LRGUK: variants seen among roughly 807,000 people sequenced by gnomAD.
The protein encoded by LRGUK is leucine rich repeats and guanylate kinase domain containing, also known as leucine-rich repeat and guanylate kinase domain-containing protein.
A neutral mutation model predicts 76.0 loss-of-function variants in LRGUK; 65 were observed. The observed-to-expected ratio is 0.85, with a 90% CI of 0.70 to 1.05. The LOEUF (loss-of-function observed/expected upper bound fraction) is 1.05. Among genes scored for constraint, LRGUK ranks in the 50% least tolerant of loss-of-function variants. LRGUK has a pLI of 0.00. For missense variants in LRGUK, 758 were observed against 732.8 expected, an observed-to-expected ratio of 1.03 and a Z score of -0.40; for synonymous variants, 268 against 265.6, an observed-to-expected ratio of 1.01 and a Z score of -0.09.
At chr7:134,252,605 A>G (rs1257481018) in intron 18 of LRGUK, among the ~76,000 whole-genome samples, 3 of 152,172 alleles carry the variant, frequency 2.0e-5, no homozygotes, top group Non-Finnish European at 4.4e-5. Flanking sequence ...TGTTGGTGCC[A>G]TGTAGCCCTA....
chr7:134,161,058 C>T (rs1350675012), intron 6 of LRGUK, among the ~76,000 whole-genome samples: 1 of 152,142 alleles, frequency 6.6e-6, no homozygotes, highest in Admixed American at 6.5e-5. Context: ...CTCATGTCAT[C>T]TACCACTTTG....
At chr7:134,165,910 T>C (rs1193383201) in intron 7 of LRGUK, among the ~76,000 whole-genome samples, 1 of 152,182 alleles carries the variant, frequency 6.6e-6, no homozygotes, top group Non-Finnish European at 1.5e-5. Context: ...GAAAGGAGTT[T>C]ATAATTTTCA....
chr7:134,263,876 A>G (rs765154192), exon 20 of LRGUK: 7 of 1,611,016 alleles, frequency 4.3e-6, no homozygotes, highest in South Asian at 2.2e-5. Flanking sequence ...CACATGAAAA[A>G]GAGTCTCACC....
At chr7:134,192,529 C>A (rs1008581296) in intron 12 of LRGUK, among the ~76,000 whole-genome samples, 2 of 152,196 alleles carry the variant, frequency 1.3e-5, no homozygotes, top group African/African-American at 4.8e-5. Flanking sequence ...ACTCAAAACA[C>A]TCTTGTCTTT....
chr7:134,211,374 G>C (rs747673642), downstream of LRGUK, among the ~76,000 whole-genome samples: 2 of 152,172 alleles, frequency 1.3e-5, no homozygotes, highest in African/African-American at 4.8e-5. Flanking sequence ...AGGAAAATTC[G>C]CTTCTAGACT....
chr7:134,199,339 T>A (rs1238859488), exon 14 of LRGUK: 1 of 1,613,794 alleles, frequency 6.2e-7, no homozygotes, highest in Non-Finnish European at 8.5e-7. Flanking sequence ...GTGCAGAAAT[T>A]GAATTTGCTG....
rs942574455 is a variant in LRGUK, at chr7:134,248,937, A to G, written c.2073-14A>G. The G allele has an allele frequency of 2.8e-6, 4 of 1,421,994 alleles. No individual in the cohort carries two copies. In the Admixed American group the frequency reaches 8.1e-5, roughly 29 times the overall value. 88.1% of individuals were successfully genotyped at this position (1,421,994 alleles called of 1,614,324 possible). ...TCCTTTGGTTTTTTTTTTTTTTTAA[A>G]TTTCCCATTCCAGGGGTCCAGTACC... On this transcript the variant is annotated splice_polypyrimidine_tract_variant and intron_variant, in intron 17 of 19. Transcript: ENST00000285928.
chr7:134,163,565 G>T (rs372601585), intron 7 of LRGUK, 25 bp downstream of exon 7: 33 of 1,584,652 alleles, frequency 2.1e-5, no homozygotes, highest in Non-Finnish European at 2.7e-5. Flanking sequence ...CACATGTCTT[G>T]GTTTCAGTGT....
chr7:134,257,352 GC>G (rs1429616086), intron 18 of LRGUK, among the ~76,000 whole-genome samples: 3 of 152,186 alleles, frequency 2.0e-5, no homozygotes, highest in Non-Finnish European at 2.9e-5. Flanking sequence ...TCAGCTGCTT[GC>G]CAGGGCTTTG....
chr7:134,251,503 A>C (rs114977984), intron 18 of LRGUK, among the ~76,000 whole-genome samples: 1 of 152,214 alleles, frequency 6.6e-6, no homozygotes, highest in East Asian at 1.9e-4. Flanking sequence ...TAAGCCACTC[A>C]GTTCATGGTA....
At chr7:134,269,906 C>A in the LRGUK span, among the ~76,000 whole-genome samples, 10 of 152,114 alleles carry the variant, frequency 6.6e-5, no homozygotes, top group African/African-American at 2.4e-4. Context: ...GTCCAATATC[C>A]ATTCATAATA....
exon 15 of LRGUK, chr7:134,201,565 C>G: frequency 6.2e-7 from 1 of 1,612,610 alleles, no homozygotes; most frequent in Non-Finnish European, 8.5e-7. Context: ...AAGAGTTTGG[C>G]TACAACTGCA....
rs892543300 is a variant in LRGUK, at chr7:134,152,859, G to A, written c.670+4540G>A. Among the ~76,000 whole-genome samples the A allele has an allele frequency of 2.6e-5, 4 of 151,926 alleles. No homozygotes were observed. The South Asian group carries it at 6.2e-4, about 24-fold the overall frequency. On this transcript the variant is annotated intron_variant, in intron 5 of 15. Transcript: ENST00000645682. ...TTCATAAGAGAAAGCATAAGTTATGGTATAGTCACACAATAGCATATCATA... is the reference window on the plus strand; with the variant it reads ...TTCATAAGAGAAAGCATAAGTTATGATATAGTCACACAATAGCATATCATA...
At chr7:134,276,337 A>G in the LRGUK span, among the ~76,000 whole-genome samples, 2 of 152,206 alleles carry the variant, frequency 1.3e-5, no homozygotes, top group Non-Finnish European at 2.9e-5. Context: ...ACTGTGGGAG[A>G]CTGCTGTCAG....
intron 5 of LRGUK, among the ~76,000 whole-genome samples, chr7:134,152,343 AC>A (rs1798255993): frequency 6.6e-6 from 1 of 152,100 alleles, no homozygotes; most frequent in Non-Finnish European, 1.5e-5. Context: ...AGGGGGACTA[AC>A]AAAACTCTAT....
At chr7:134,166,802 G>C (rs111290834) in intron 7 of LRGUK, among the ~76,000 whole-genome samples, 136 of 152,256 alleles carry the variant, frequency 8.9e-4, no homozygotes, top group Middle Eastern at 3.4e-3. Context: ...CTTGCTTCTT[G>C]TTGTTCAAAG....
At chr7:134,196,857 T>C in intron 12 of LRGUK, 135 bp from the exon 13 acceptor site, 1 of 506,384 alleles carries the variant, frequency 2.0e-6, no homozygotes, top group Non-Finnish European at 3.5e-6. Flanking sequence ...ATTTACCCCA[T>C]TGTCATCCTT....
At chr7:134,160,350 C>T (rs1289055642) in intron 6 of LRGUK, among the ~76,000 whole-genome samples, 3 of 152,190 alleles carry the variant, frequency 2.0e-5, no homozygotes, top group African/African-American at 4.8e-5. Context: ...TGTTCCCAAT[C>T]TCTGCCCTCA....
chr7:134,274,222 T>G, the LRGUK span, among the ~76,000 whole-genome samples: 4 of 152,244 alleles, frequency 2.6e-5, no homozygotes, highest in Non-Finnish European at 5.9e-5. Context: ...GACTAGTGAC[T>G]ACCATATTGG....
Sources: gnomAD v4.1 joint callset for allele counts (sites outside exome capture counted in the v4.1 genomes callset) on GRCh38, gnomAD v4.1.1 for gene constraint, MANE v1.5 for transcripts, NCBI Gene and HGNC (gene_info 2026-07-23, HGNC 2026-07-21) for gene names.